The following IFT88 variants were observed in gnomAD, a reference collection of about 807,000 sequenced individuals.
IFT88 encodes the protein intraflagellar transport 88.
In IFT88, 74 loss-of-function variants were observed where a neutral mutation model predicts 119.5. That is an observed-to-expected ratio of 0.62 (90% CI 0.51 to 0.75). The LOEUF is 0.75. Among genes scored for constraint, IFT88 ranks in the 30% least tolerant of loss-of-function variants. The probability of loss-of-function intolerance (pLI) is 0.00; values close to 1 mark genes in which losing one functional copy is unlikely to be tolerated. For missense variants in IFT88, 961 were observed against 977.7 expected, an observed-to-expected ratio of 0.98 and a Z score of 0.23; for synonymous variants, 279 against 316.7, an observed-to-expected ratio of 0.88 and a Z score of 1.26.
intron 18 of IFT88, 100 bp downstream of exon 18, chr13:20,641,498 G>T: frequency 1.5e-6 from 1 of 664,796 alleles, no homozygotes; most frequent in Non-Finnish European, 2.6e-6. Context: ...AATTGATGAG[G>T]ATAATATTTG....
At chr13:20,680,506 C>T (rs1482481248) in intron 24 of IFT88, among the ~76,000 whole-genome samples, 2 of 152,206 alleles carry the variant, frequency 1.3e-5, no homozygotes, top group East Asian at 1.9e-4. Flanking sequence ...GGGGAATACT[C>T]ATGGCGATGG....
At chr13:20,687,048 A>AAAC (rs1555317939) in intron 24 of IFT88, among the ~76,000 whole-genome samples, 1 of 139,840 alleles carries the variant, frequency 7.2e-6, no homozygotes, top group Non-Finnish European at 1.6e-5. Flanking sequence ...AAAAAAAAAA[A>AAAC]ACCTCATATT....
chr13:20,610,219 C>T (rs1370526266), intron 13 of IFT88, among the ~76,000 whole-genome samples: 1 of 151,952 alleles, frequency 6.6e-6, no homozygotes, highest in African/African-American at 2.4e-5. Flanking sequence ...GGCCCCCCAC[C>T]CTGCTTGGCA....
chr13:20,613,041 A>C (rs1276809624), intron 13 of IFT88, among the ~76,000 whole-genome samples: 4 of 152,242 alleles, frequency 2.6e-5, no homozygotes, highest in African/African-American at 4.8e-5. Flanking sequence ...AAGGTTTTGT[A>C]GATATGACAC....
chr13:20,635,434 T>A (rs1443386259), intron 16 of IFT88, among the ~76,000 whole-genome samples: 2 of 152,178 alleles, frequency 1.3e-5, no homozygotes, highest in Non-Finnish European at 2.9e-5. Flanking sequence ...GTCACTATCC[T>A]TAATGATTCT....
chr13:20,615,587 G>A (rs895217463), intron 13 of IFT88, among the ~76,000 whole-genome samples: 3 of 152,166 alleles, frequency 2.0e-5, no homozygotes, highest in African/African-American at 4.8e-5. Context: ...CGTTGACCCG[G>A]CAGGCAATCA....
At chr13:20,676,404 T>C (rs1434925884) in intron 24 of IFT88, among the ~76,000 whole-genome samples, 1 of 152,208 alleles carries the variant, frequency 6.6e-6, no homozygotes, top group African/African-American at 2.4e-5. Flanking sequence ...AGGGCAAGCA[T>C]GTGCAAGGGT....
Position 20,597,126 on chromosome 13 carries a change from A to G in IFT88, c.594+7A>G, listed in dbSNP as rs1433284180. Reference sequence around the variant, plus strand: ...TTTGGATTTAACTTACTCAGTAAGTATTGAAATATAACACAATTTTTAAAT... The same window carrying G: ...TTTGGATTTAACTTACTCAGTAAGTGTTGAAATATAACACAATTTTTAAAT... On this transcript the variant is annotated splice_region_variant and intron_variant, in intron 9 of 25. Transcript: ENST00000351808. 1 of 1,451,068 alleles carries G rather than the reference A, an allele frequency of 6.9e-7. No individual in the cohort carries two copies. The highest frequency in any genetic ancestry group is 9.5e-7 in the Non-Finnish European group (1 of 1,048,558). 89.9% of individuals were successfully genotyped at this position (1,451,068 alleles called of 1,614,324 possible). A position where few individuals can be genotyped will look rare whatever the true frequency, so the allele number is the denominator to read the frequency against.
At chr13:20,630,378 T>C (rs1360300325) in intron 15 of IFT88, among the ~76,000 whole-genome samples, 1 of 152,208 alleles carries the variant, frequency 6.6e-6, no homozygotes, top group Non-Finnish European at 1.5e-5. Flanking sequence ...AGTTGTTCTC[T>C]GTCAAAGAAT....
At chr13:20,597,470 T>C (rs370491474) in intron 9 of IFT88, among the ~76,000 whole-genome samples, 292 of 152,032 alleles carry the variant, frequency 1.9e-3, no homozygotes, top group Middle Eastern at 3.4e-3. Flanking sequence ...TGTAGCCGGG[T>C]GCCGTGGCTC....
Position 20,601,965 on chromosome 13 carries a change from T to C in IFT88, c.1041+32T>C, listed in dbSNP as rs1351962601. The C allele has an allele frequency of 6.7e-6, 8 of 1,201,348 alleles. 1 individual carries two copies. The highest frequency in any genetic ancestry group is 9.7e-6 in the Non-Finnish European group (8 of 822,026). The allele number at this position is 1,201,348 out of a possible 1,614,324, so 74.4% of individuals were successfully genotyped here. ...ATGAAAAAGACATTTCTGTAGCCAC[T>C]TCCCACTTATCTGTGCTTTTCTGTT... On this transcript the variant is annotated intron_variant, in intron 12 of 25. Transcript: ENST00000351808.
intron 23 of IFT88, among the ~76,000 whole-genome samples, chr13:20,670,218 TAAA>T (rs1177401724): frequency 6.6e-6 from 1 of 152,196 alleles, no homozygotes; most frequent in Non-Finnish European, 1.5e-5. Context: ...ATTATAAACA[TAAA>T]AAGCCATCTG....
intron 13 of IFT88, among the ~76,000 whole-genome samples, chr13:20,612,802 C>T (rs911232867): frequency 6.6e-5 from 10 of 152,264 alleles, no homozygotes; most frequent in Non-Finnish European, 8.8e-5. Flanking sequence ...AAAACTCTTA[C>T]GTTTATAGCC....
At chr13:20,638,573 T>TTTTTG (rs1373649578) in intron 17 of IFT88, 55 bp downstream of exon 17, 2 of 1,274,844 alleles carry the variant, frequency 1.6e-6, no homozygotes, top group African/African-American at 1.6e-5. Context: ...TTTGTATTTG[T>TTTTTG]TTTTGTTTTG....
At chr13:20,651,461 C>T (rs987571338) in intron 20 of IFT88, among the ~76,000 whole-genome samples, 136 of 147,760 alleles carry the variant, frequency 9.2e-4, no homozygotes, top group African/African-American at 3.1e-3. Context: ...GTTTGAGCCT[C>T]AGCTTTCAGT....
chr13:20,631,068 C>G lies in IFT88; in HGVS notation c.1352C>G (p.Ala451Gly). The G allele has an allele frequency of 1.2e-6, 2 of 1,604,884 alleles. No homozygotes were observed. The highest frequency in any genetic ancestry group is 1.1e-5 in the South Asian group (1 of 90,858). ...LEKKDSRVKS[A>G]AATNLSALYY... Reference sequence around the variant, plus strand: ...AAAAAGGACAGTAGAGTGAAAAGTGCAGCTGCAACCAATCTCTCAGCCCTG... The same window carrying G: ...AAAAAGGACAGTAGAGTGAAAAGTGGAGCTGCAACCAATCTCTCAGCCCTG... Residue 451 changes from alanine (A) to glycine (G), a missense_variant, in exon 16 of 26, where the codon GCA (alanine) becomes GGA (glycine). By Grantham distance (60) the Ala-to-Gly change is moderately conservative. Coordinates refer to ENST00000351808, the MANE Select transcript of IFT88 (RefSeq NM_006531.5).
In IFT88 at chr13:20,680,813, C is replaced by A. The variant is rs920978165; in HGVS notation, c.2242+9774C>A. 7.9e-5 allele frequency among the ~76,000 whole-genome samples: 12 copies of A among 152,140 alleles called. No homozygotes were observed. In the East Asian group the frequency reaches 2.3e-3, roughly 29 times the overall value. ...GCTGCTGGTTTTGGCCTGGAGAACACAAGCATAACCTCTACCCCATGTTAT... is the reference window on the plus strand; with the variant it reads ...GCTGCTGGTTTTGGCCTGGAGAACAAAAGCATAACCTCTACCCCATGTTAT... On this transcript the variant is annotated intron_variant, in intron 24 of 25. Coordinates refer to ENST00000351808, the MANE Select transcript of IFT88 (RefSeq NM_006531.5).
At chr13:20,644,433 A>G (rs1415842817) in intron 19 of IFT88, among the ~76,000 whole-genome samples, 1 of 152,126 alleles carries the variant, frequency 6.6e-6, no homozygotes, top group Non-Finnish European at 1.5e-5. Context: ...CCTGGGAGGC[A>G]GAGGTTGTAG....
chr13:20,621,177 G>A (rs117319226), intron 14 of IFT88, among the ~76,000 whole-genome samples: 184 of 151,854 alleles, frequency 1.2e-3, no homozygotes, highest in Non-Finnish European at 1.7e-3. Context: ...AGAAATTCTC[G>A]TACCTCAGCC....
Sources: allele counts gnomAD v4.1 joint callset (sites outside exome capture counted in the v4.1 genomes callset), GRCh38; gene constraint gnomAD v4.1.1; transcripts MANE v1.5; gene names NCBI Gene and HGNC (gene_info 2026-07-23, HGNC 2026-07-21).